HOXD13: variants seen among roughly 807,000 people sequenced by gnomAD.
The protein encoded by HOXD13 is homeobox protein Hox-D13.
In HOXD13, 16 loss-of-function variants were observed where a neutral mutation model predicts 27.3. The ratio of observed to expected loss-of-function variants is 0.59; its 90% CI spans 0.40 to 0.89. The LOEUF (loss-of-function observed/expected upper bound fraction) is 0.89, where lower values mean the gene tolerates loss of function less well. HOXD13 is among the 40% of genes least tolerant of loss of function. The pLI is 0.00. For synonymous variants in HOXD13, 241 were observed against 219.0 expected, an observed-to-expected ratio of 1.10 and a Z score of -0.89; for missense variants, 481 against 482.6, an observed-to-expected ratio of 1.00 and a Z score of 0.03.
chr2:176,088,120 C>T (rs991012781), upstream of HOXD13, among the ~76,000 whole-genome samples: 3 of 152,236 alleles, frequency 2.0e-5, no homozygotes, highest in Non-Finnish European at 4.4e-5. Context: ...CATGCTTGCT[C>T]GAGAGCTGGG....
rs1265492579 is a variant in HOXD13 at position 176,095,308 on chromosome 2, A to G, written c.*578A>G. 4.4e-6 allele frequency: 1 copy of G among 228,798 alleles called. No individual in the cohort carries two copies. Among genetic ancestry groups the G allele is most frequent in the Admixed American group, 5.7e-5 (1 of 17,686 alleles). 14.2% of individuals were successfully genotyped at this position (228,798 alleles called of 1,614,324 possible). ...TACTGTGATGGCTTTAAAAATGGCC[A>G]CCTTATTAAATAGGGATTGTATCAA... On this transcript the variant is annotated 3_prime_UTR_variant, in exon 2 of 2. Transcript: ENST00000392539.
intron 1 of HOXD13, 54 bp from the exon 2 acceptor site, chr2:176,094,426 C>T (rs548947724): frequency 1.9e-6 from 3 of 1,569,384 alleles, no homozygotes; most frequent in East Asian, 4.5e-5. Context: ...CAATCCTCAG[C>T]TAGGTGCTCC....
upstream of HOXD13, among the ~76,000 whole-genome samples, chr2:176,092,418 G>A (rs1219319063): frequency 1.3e-5 from 2 of 151,988 alleles, no homozygotes; most frequent in East Asian, 2.0e-4. Flanking sequence ...GGCCTGGGAT[G>A]GGCCGTCGCG....
chr2:176,089,097 T>G (rs1373177319), upstream of HOXD13, among the ~76,000 whole-genome samples: 2 of 152,260 alleles, frequency 1.3e-5, no homozygotes, highest in African/African-American at 4.8e-5. Flanking sequence ...CTAATCGTGT[T>G]GTGAAACCCA....
chr2:176,092,938 C>G lies in HOXD13; in HGVS notation c.48C>G (p.Gly16=). 7.5e-7 allele frequency: 1 copy of G among 1,328,394 alleles called. No individual in the cohort carries two copies. The highest frequency in any genetic ancestry group is 9.6e-7 in the Non-Finnish European group (1 of 1,042,438). The allele number at this position is 1,328,394 out of a possible 1,614,324, so 82.3% of individuals were successfully genotyped here. Reference sequence around the variant, plus strand: ...ACATGGACGGGCTGCGGGCAGACGGCGGGGGCGCCGGTGGCGCCCCGGCCT... The same window carrying G: ...ACATGGACGGGCTGCGGGCAGACGGGGGGGGCGCCGGTGGCGCCCCGGCCT... ...SWDMDGLRAD[G]GGAGGAPASS... Residue 16 remains glycine, a synonymous_variant, in exon 1 of 2, where the codon GGC becomes GGG. Transcript: ENST00000392539.
At chr2:176,093,858 A>G (rs951656015) in intron 1 of HOXD13, among the ~76,000 whole-genome samples, 187 bp downstream of exon 1, 1 of 152,210 alleles carries the variant, frequency 6.6e-6, no homozygotes, top group African/African-American at 2.4e-5. Flanking sequence ...TCTGATTTCA[A>G]CTGCCTCCGT....
Position 176,095,368 on chromosome 2 carries a change from GT to G in HOXD13, c.*641del. ...GAAGACAATCTTTCCAACTTTGGGT[GT>G]TTCACTTGCTGTTTTAATTGTTTGT... On this transcript the variant is annotated 3_prime_UTR_variant, in exon 2 of 2. Coordinates refer to ENST00000392539, the MANE Select transcript of HOXD13 (RefSeq NM_000523.4). 4.4e-6 allele frequency: 1 copy of G among 228,530 alleles called. No individual in the cohort carries two copies. The highest frequency in any genetic ancestry group is 8.7e-6 in the Non-Finnish European group (1 of 114,900). The allele number at this position is 228,530 out of a possible 1,614,324, so 14.2% of individuals were successfully genotyped here. A position where few individuals can be genotyped will look rare whatever the true frequency, so the allele number is the denominator to read the frequency against.
rs546134089 is a variant in HOXD13 at position 176,095,912 on chromosome 2, T to C, written c.*1182T>C. On this transcript the variant is annotated 3_prime_UTR_variant, in exon 2 of 2. Transcript: ENST00000392539. ...AAATCACTTTTTACTCCTAGGGAGA[T>C]GCCAATAAACAGAACTCTTTTGTTT... The C allele has an allele frequency of 3.1e-5, 6 of 193,924 alleles. No homozygotes were observed. In the South Asian group the frequency reaches 5.8e-4, roughly 19 times the overall value. 12.0% of individuals were successfully genotyped at this position (193,924 alleles called of 1,614,324 possible). A position where few individuals can be genotyped will look rare whatever the true frequency, so the allele number is the denominator to read the frequency against.
At chr2:176,089,953 C>A (rs962079549), upstream of HOXD13, among the ~76,000 whole-genome samples, 9 of 152,228 alleles carry the variant, frequency 5.9e-5, no homozygotes, top group Admixed American at 2.0e-4. Context: ...GTGTTCCTGG[C>A]CACCTAAAGA....
Position 176,093,670 on chromosome 2 carries a change from A to G in HOXD13, c.780A>G (p.Pro260=). The part of the protein sequence containing the change: ...QGSHFWKSSF[P]GDVALNQPDM... The stretch of plus-strand genomic sequence containing the variant: ...CCCACTTTTGGAAATCTTCCTTTCC[A>G]GGTAGGGGCGATGGAGAAAAGGGAC... The change falls in exon 1 of 2, where the codon CCA becomes CCG. Residue 260 remains proline, a splice_region_variant and synonymous_variant. Coordinates refer to ENST00000392539, the MANE Select transcript of HOXD13 (RefSeq NM_000523.4). 1 of 1,580,812 alleles carries G rather than the reference A, an allele frequency of 6.3e-7. No homozygotes were observed. Among genetic ancestry groups the G allele is most frequent in the Non-Finnish European group, 8.6e-7 (1 of 1,159,258 alleles).
upstream of HOXD13, among the ~76,000 whole-genome samples, chr2:176,088,519 G>T (rs193176537): frequency 1.3e-5 from 2 of 151,988 alleles, no homozygotes; most frequent in Non-Finnish European, 2.9e-5. Context: ...GCCGGGCCGG[G>T]AAGTGGAGCC....
chr2:176,091,017 T>C (rs1281113254), upstream of HOXD13, among the ~76,000 whole-genome samples: 1 of 152,246 alleles, frequency 6.6e-6, no homozygotes, highest in African/African-American at 2.4e-5. Flanking sequence ...AATTTGATCA[T>C]GAACATGTCT....
rs2105379003 is a variant in HOXD13 at position 176,093,475 on chromosome 2, C to A, written c.585C>A (p.Gly195=). 1 of 1,614,054 alleles carries A rather than the reference C, an allele frequency of 6.2e-7. No homozygotes were observed. The highest frequency in any genetic ancestry group is 8.5e-7 in the Non-Finnish European group (1 of 1,180,034). The change falls in exon 1 of 2, where the codon GGC becomes GGA. Residue 195 remains glycine (G), a synonymous_variant. Coordinates refer to ENST00000392539, the MANE Select transcript of HOXD13 (RefSeq NM_000523.4). ...ARAKEVSFYQ[G]YTSPYQHVPG... ...CCAAGGAGGTATCCTTCTACCAGGG[C>A]TATACGAGCCCTTACCAGCACGTGC...
At chr2:176,092,478 A>C (rs1409698746), upstream of HOXD13, among the ~76,000 whole-genome samples, 1 of 7,524 alleles carries the variant, frequency 1.3e-4, no homozygotes, top group Non-Finnish European at 2.7e-4. Context: ...GTCGGGGGGG[A>C]GGGCGGGAAT....
rs747794993 is a variant in HOXD13 at position 176,093,284 on chromosome 2, G to T, written c.394G>T (p.Gly132Cys). 1 of 1,611,718 alleles carries T rather than the reference G, an allele frequency of 6.2e-7. No homozygotes were observed. Among genetic ancestry groups the T allele is most frequent in the Non-Finnish European group, 8.5e-7 (1 of 1,179,622 alleles). The change falls in exon 1 of 2, where the codon GGC becomes TGC. Residue 132 changes from glycine (G) to cysteine (C), a missense_variant. Coordinates refer to ENST00000392539, the MANE Select transcript of HOXD13 (RefSeq NM_000523.4). ...APALGYGYHF[G>C]NGYYSCRMSH... Reference sequence around the variant, plus strand: ...AGCGCTGGGCTACGGCTACCACTTCGGCAACGGCTACTACAGCTGCCGTAT... The same window carrying T: ...AGCGCTGGGCTACGGCTACCACTTCTGCAACGGCTACTACAGCTGCCGTAT...
chr2:176,088,030 G>A (rs1689266697), upstream of HOXD13, among the ~76,000 whole-genome samples: 1 of 152,284 alleles, frequency 6.6e-6, no homozygotes, highest in African/African-American at 2.4e-5. Context: ...CGCGTCTGCC[G>A]CTGCCGGAGC....
Position 176,093,105 on chromosome 2 carries a change from C to G in HOXD13, c.215C>G (p.Ser72Cys). 6.5e-7 allele frequency: 1 copy of G among 1,535,608 alleles called. No individual in the cohort carries two copies. The change falls in exon 1 of 2, where the codon TCC (serine) becomes TGC (cysteine). Residue 72 changes from serine to cysteine, a missense_variant. By Grantham distance (112) the Ser-to-Cys change is moderately radical (BLOSUM62 -1). Transcript: ENST00000392539. ...GCTGCGGCGGCGGCGGCGGCAGCCTCCGGCTTTGCGTACCCCGGGACCTCT... is the reference window on the plus strand; with the variant it reads ...GCTGCGGCGGCGGCGGCGGCAGCCTGCGGCTTTGCGTACCCCGGGACCTCT... ...AAAAAAAAAASGFAYPGTSER... is the reference protein window; with the variant it reads ...AAAAAAAAAACGFAYPGTSER...
chr2:176,090,372 G>A (rs960571809), upstream of HOXD13, among the ~76,000 whole-genome samples: 1 of 152,236 alleles, frequency 6.6e-6, no homozygotes, highest in Non-Finnish European at 1.5e-5. Flanking sequence ...GCTTTTGGAA[G>A]CAGAGCCACC....
chr2:176,089,984 A>C (rs1442563620), upstream of HOXD13, among the ~76,000 whole-genome samples: 1 of 152,264 alleles, frequency 6.6e-6, no homozygotes, highest in African/African-American at 2.4e-5. Context: ...CAGTAAGTTT[A>C]AACCTGAATG....
Sources: allele counts gnomAD v4.1 joint callset (sites outside exome capture counted in the v4.1 genomes callset), GRCh38; gene constraint gnomAD v4.1.1; transcripts MANE v1.5; gene names NCBI Gene and HGNC (gene_info 2026-07-23, HGNC 2026-07-21).